Variants in UBR7 observed in about 807,000 individuals in gnomAD.
UBR7 encodes the protein putative E3 ubiquitin-protein ligase UBR7.
In UBR7, 22 loss-of-function variants were observed where a neutral mutation model predicts 57.0. That is an observed-to-expected ratio of 0.39 (90% confidence interval 0.28 to 0.55). The LOEUF (loss-of-function observed/expected upper bound fraction) is 0.55. UBR7 is among the 20% of genes least tolerant of loss of function. The pLI, the probability that UBR7 is intolerant of heterozygous loss-of-function variation, is 0.69. For missense variants in UBR7, 395 were observed against 513.2 expected, an observed-to-expected ratio of 0.77 and a Z score of 2.23; for synonymous variants, 167 against 179.8, an observed-to-expected ratio of 0.93 and a Z score of 0.57.
intron 10 of UBR7, among the ~76,000 whole-genome samples, chr14:93,222,887 A>T (rs1894739795): frequency 6.6e-6 from 1 of 152,158 alleles, no homozygotes; most frequent in South Asian, 2.1e-4. Context: ...AACCCCAGCT[A>T]AGCCGGGAAG....
At chr14:93,218,492 T>G in intron 6 of UBR7, 35 bp from the exon 7 acceptor site, 1 of 1,558,200 alleles carries the variant, frequency 6.4e-7, no homozygotes, top group Non-Finnish European at 8.9e-7. Context: ...AGTGGATATG[T>G]GTGTATGTGT....
rs2140098156 is a variant in UBR7 at position 93,210,661 on chromosome 14, G to A, written c.298G>A (p.Asp100Asn). 6.2e-7 allele frequency: 1 copy of A among 1,607,762 alleles called. No individual in the cohort carries two copies. The highest frequency in any genetic ancestry group is 8.5e-7 in the Non-Finnish European group (1 of 1,176,198). ...ELYTKRNFRC[D>N]CGNSKFKNLE... is the part of the protein sequence containing the mutation. ...TCCTTTTTTCAGAAATTTTCGTTGT[G>A]ATTGTGGAAACAGCAAGTTTAAAAA... The change falls in exon 3 of 11, where the codon GAT (aspartate) becomes AAT (asparagine). Residue 100 changes from aspartate to asparagine, a missense_variant. Physicochemically the swap from Asp to Asn is conservative, Grantham distance 23 (BLOSUM62 1). Transcript: ENST00000013070.
Position 93,219,381 on chromosome 14 carries a change from TCA to T in UBR7, c.960+21_960+22del. 6.2e-7 allele frequency: 1 copy of T among 1,614,194 alleles called. No individual in the cohort carries two copies. Among genetic ancestry groups the T allele is most frequent in the Non-Finnish European group, 8.5e-7 (1 of 1,180,030 alleles). On this transcript the variant is annotated intron_variant, in intron 8 of 10. Coordinates refer to ENST00000013070, the MANE Select transcript of UBR7 (RefSeq NM_175748.4). ...TGTATGGTAAAGTATCTGATTGTGC[TCA>T]GTGTTAGCATGTTTTGTGTACTGGT...
chr14:93,223,546 T>TG (rs1157388780), intron 10 of UBR7: 9 of 672,568 alleles, frequency 1.3e-5, no homozygotes, highest in African/African-American at 7.4e-5. Context: ...TTTTTTGGGG[T>TG]GGGGGGCGTT....
intron 2 of UBR7, among the ~76,000 whole-genome samples, chr14:93,210,198 C>T (rs919582799): frequency 7.2e-5 from 11 of 152,056 alleles, no homozygotes; most frequent in Admixed American, 6.6e-5. Flanking sequence ...ATTCTCCTGC[C>T]TCAGCCTCCC....
In UBR7 at chr14:93,226,682, A is replaced by G. The variant is rs536124459; in HGVS notation, c.1186-261A>G. On this transcript the variant is annotated intron_variant, in intron 10 of 10. Transcript: ENST00000013070. ...GTGGCGGGCGCCTGTAGTCCCAGCT[A>G]CTCGGGAGGCTGAGGCAGGAGAATG... 8.6e-5 allele frequency among the ~76,000 whole-genome samples: 13 copies of G among 151,536 alleles called. No individual in the cohort carries two copies. In the South Asian group the frequency reaches 2.7e-3, roughly 32 times the overall value.
intron 1 of UBR7, among the ~76,000 whole-genome samples, 178 bp from the exon 2 acceptor site, chr14:93,209,646 G>T (rs981042574): frequency 1.3e-5 from 2 of 152,194 alleles, no homozygotes; most frequent in Non-Finnish European, 2.9e-5. Flanking sequence ...AATGAAACTT[G>T]CAACGCAACT....
rs1262506298 is a variant in UBR7, at chr14:93,227,764, G to A, written c.*729G>A. 1 of 700,674 alleles carries A rather than the reference G, an allele frequency of 1.4e-6. No individual in the cohort carries two copies. Among genetic ancestry groups the A allele is most frequent in the Non-Finnish European group, 2.6e-6 (1 of 384,820 alleles). The allele number at this position is 700,674 out of a possible 1,614,324, so 43.4% of individuals were successfully genotyped here. The stretch of plus-strand genomic sequence containing the variant: ...CATGATTCTATTGGCACTAGAATTA[G>A]AATTTCAGTACTGTAGTGCTCACAG... On this transcript the variant is annotated 3_prime_UTR_variant, in exon 11 of 11. Coordinates refer to ENST00000013070, the MANE Select transcript of UBR7 (RefSeq NM_175748.4).
chr14:93,215,361 T>A (rs1030393748), intron 6 of UBR7, 80 bp downstream of exon 6: 3 of 1,193,702 alleles, frequency 2.5e-6, no homozygotes, highest in Non-Finnish European at 3.7e-6. Flanking sequence ...TTTTAGCAAC[T>A]ATTTTTAACT....
intron 10 of UBR7, 98 bp downstream of exon 10, chr14:93,222,472 C>T (rs368606993): frequency 1.0e-4 from 92 of 909,130 alleles, no homozygotes; most frequent in South Asian, 3.2e-4. Context: ...TGGCGGGGTG[C>T]GGTGGCTCAC....
Position 93,228,891 on chromosome 14 carries a change from G to A in UBR7, c.*1856G>A, listed in dbSNP as rs1301873463. 1.5e-5 allele frequency: 7 copies of A among 453,964 alleles called. No individual in the cohort carries two copies. Among genetic ancestry groups the A allele is most frequent in the Non-Finnish European group, 3.1e-5 (7 of 226,800 alleles). 28.1% of individuals were successfully genotyped at this position (453,964 alleles called of 1,614,324 possible). Reference sequence around the variant, plus strand: ...GTGTTACATTACGTGCAGCACAATAGTACCGATCAGTTAACTCAGCGCTGA... The same window carrying A: ...GTGTTACATTACGTGCAGCACAATAATACCGATCAGTTAACTCAGCGCTGA... On this transcript the variant is annotated 3_prime_UTR_variant, in exon 11 of 11. Transcript: ENST00000013070.
intron 10 of UBR7, among the ~76,000 whole-genome samples, chr14:93,222,989 T>C (rs1373412110): frequency 1.3e-5 from 2 of 152,206 alleles, no homozygotes; most frequent in African/African-American, 4.8e-5. Context: ...CTGATTCTGC[T>C]GGTCCTGACC....
Position 93,227,597 on chromosome 14 carries a change from G to A in UBR7, c.*562G>A. On this transcript the variant is annotated 3_prime_UTR_variant, in exon 11 of 11. Coordinates refer to ENST00000013070, the MANE Select transcript of UBR7 (RefSeq NM_175748.4). ...AGGATCTTGGGGCTTGTTTTCTCTA[G>A]GCCCAACCTCCAGAGTAGCCAGGAC... The A allele has an allele frequency of 1.4e-6, 1 of 700,342 alleles. No homozygotes were observed. The highest frequency in any genetic ancestry group is 2.6e-6 in the Non-Finnish European group (1 of 384,796). The allele number at this position is 700,342 out of a possible 1,614,324, so 43.4% of individuals were successfully genotyped here.
At position 93,228,700 on chromosome 14, in the gene UBR7, TG is replaced by T; in HGVS notation, c.*1669del. The T allele has an allele frequency of 2.2e-6, 1 of 454,120 alleles. No individual in the cohort carries two copies. The highest frequency in any genetic ancestry group is 4.4e-6 in the Non-Finnish European group (1 of 226,780). 28.1% of individuals were successfully genotyped at this position (454,120 alleles called of 1,614,324 possible). ...GTGTCTTTGAGGTTGTTTATCAAGC[TG>T]GGGAACTCTTCCAAGTCTGACAATG... On this transcript the variant is annotated 3_prime_UTR_variant, in exon 11 of 11. Coordinates refer to ENST00000013070, the MANE Select transcript of UBR7 (RefSeq NM_175748.4).
rs774521080 is a variant in UBR7 at position 93,227,168 on chromosome 14, C to G, written c.*133C>G. 1 of 689,070 alleles carries G rather than the reference C, an allele frequency of 1.5e-6. No individual in the cohort carries two copies. Among genetic ancestry groups the G allele is most frequent in the African/African-American group, 1.8e-5 (1 of 56,472 alleles). 42.7% of individuals were successfully genotyped at this position (689,070 alleles called of 1,614,324 possible). A position where few individuals can be genotyped will look rare whatever the true frequency, so the allele number is the denominator to read the frequency against. ...GGAGAGGCCTCGCGCTCCCTTCATT[C>G]TCTTTAGCTGCAGTAGCCACCGTGT... is the stretch of plus-strand genomic sequence containing the variant. On this transcript the variant is annotated 3_prime_UTR_variant, in exon 11 of 11. Coordinates refer to ENST00000013070, the MANE Select transcript of UBR7 (RefSeq NM_175748.4).
intron 2 of UBR7, 23 bp from the exon 3 acceptor site, chr14:93,210,625 T>C (rs1444614597): frequency 6.4e-7 from 1 of 1,573,180 alleles, no homozygotes; most frequent in Non-Finnish European, 8.7e-7. Context: ...AAAAATAAAA[T>C]TGTTATTTCC....
At position 93,228,703 on chromosome 14, in the gene UBR7, G is replaced by A. The variant is rs1161447067; in HGVS notation, c.*1668G>A. The A allele has an allele frequency of 4.6e-5, 21 of 453,978 alleles. No individual in the cohort carries two copies. The highest frequency in any genetic ancestry group is 2.5e-4 in the South Asian group (16 of 64,482). The allele number at this position is 453,978 out of a possible 1,614,324, so 28.1% of individuals were successfully genotyped here. ...TCTTTGAGGTTGTTTATCAAGCTGGGGAACTCTTCCAAGTCTGACAATGTT... is the reference window on the plus strand; with the variant it reads ...TCTTTGAGGTTGTTTATCAAGCTGGAGAACTCTTCCAAGTCTGACAATGTT... On this transcript the variant is annotated 3_prime_UTR_variant, in exon 11 of 11. Transcript: ENST00000013070.
rs903654879 is a variant in UBR7, at chr14:93,224,466, C to G, written c.1185+2092C>G. 1.3e-5 allele frequency among the ~76,000 whole-genome samples: 2 copies of G among 149,508 alleles called. 1 individual carries two copies. Among genetic ancestry groups the G allele is most frequent in the African/African-American group, 4.9e-5 (2 of 40,506 alleles). ...TGATCTCGGCTCACTGCAACCTGTGCCTCCCAGGTTCATGTCATTCTCCTG... is the reference window on the plus strand; with the variant it reads ...TGATCTCGGCTCACTGCAACCTGTGGCTCCCAGGTTCATGTCATTCTCCTG... On this transcript the variant is annotated intron_variant, in intron 10 of 10. Transcript: ENST00000013070.
chr14:93,228,555 G>C lies in UBR7; in HGVS notation c.*1520G>C, dbSNP rs576018622. ...CACAACCATGTTCTTCGGCACTCAG[G>C]CTCCTAATTGCAGATCCTCACGAAG... On this transcript the variant is annotated 3_prime_UTR_variant, in exon 11 of 11. Coordinates refer to ENST00000013070, the MANE Select transcript of UBR7 (RefSeq NM_175748.4). 1 of 454,046 alleles carries C rather than the reference G, an allele frequency of 2.2e-6. No individual in the cohort carries two copies. Among genetic ancestry groups the C allele is most frequent in the Non-Finnish European group, 4.4e-6 (1 of 226,786 alleles). 28.1% of individuals were successfully genotyped at this position (454,046 alleles called of 1,614,324 possible).
Sources: allele counts gnomAD v4.1 joint callset (sites outside exome capture counted in the v4.1 genomes callset), GRCh38; gene constraint gnomAD v4.1.1; transcripts MANE v1.5; gene names NCBI Gene and HGNC (gene_info 2026-07-23, HGNC 2026-07-21).